The following PCYT1B variants were observed in gnomAD, a reference collection of about 807,000 sequenced individuals.
The protein encoded by PCYT1B is phosphate cytidylyltransferase 1B, choline.
Under a neutral mutation model 26.4 loss-of-function variants are expected in PCYT1B, and 10 were observed. That is an observed-to-expected ratio of 0.38 (90% confidence interval 0.23 to 0.64). PCYT1B has a LOEUF of 0.64. Ranked by LOEUF, PCYT1B falls within the 30% of genes least tolerant of loss-of-function variation. The pLI is 0.56. For synonymous variants in PCYT1B, 131 were observed against 108.4 expected (o/e 1.21, Z -1.29); for missense variants, 161 against 292.7 (o/e 0.55, Z 3.28).
At chrX:24,670,092 GAA>G (rs1927215662) in intron 1 of PCYT1B, among the ~76,000 whole-genome samples, 2 of 90,255 alleles carry the variant, frequency 2.2e-5, no homozygotes, top group African/African-American at 8.1e-5. Flanking sequence ...AAGAAAGAAA[GAA>G]AGAAAGAAAG....
chrX:24,639,660 T>C (rs1219216729), intron 1 of PCYT1B, among the ~76,000 whole-genome samples: 8 of 112,074 alleles, frequency 7.1e-5, no homozygotes, highest in Non-Finnish European at 1.1e-4. Context: ...TAAGCCACCA[T>C]GATTTTGCTT....
chrX:24,568,968 C>G (rs1306096282), intron 7 of PCYT1B, among the ~76,000 whole-genome samples: 1 of 110,066 alleles, frequency 9.1e-6, no homozygotes, highest in African/African-American at 3.3e-5. Flanking sequence ...GGCATGGTGG[C>G]ATATGCCTGT....
At chrX:24,670,015 C>T (rs1340678868) in intron 1 of PCYT1B, among the ~76,000 whole-genome samples, 1 of 100,796 alleles carries the variant, frequency 9.9e-6, no homozygotes, top group Admixed American at 1.2e-4. Context: ...TGCACTCGAG[C>T]CTGGGCAACA....
intron 1 of PCYT1B, 139 bp from the exon 2 acceptor site, chrX:24,619,223 G>C: frequency 2.1e-6 from 1 of 482,381 alleles, no homozygotes; most frequent in Non-Finnish European, 3.8e-6. Context: ...GAGAAATACT[G>C]TACTGTTAGA....
chrX:24,650,317 C>CTTTT (rs575150338), upstream of PCYT1B, among the ~76,000 whole-genome samples: 1 of 75,718 alleles, frequency 1.3e-5, no homozygotes, highest in Non-Finnish European at 2.5e-5. Flanking sequence ...TATTATGTAG[C>CTTTT]TTTTTTTTTT....
rs940173061 is a variant in PCYT1B at position 24,561,225 on chromosome X, G to C, written c.*1068C>G. The C allele has an allele frequency of 7.1e-5, 8 of 112,349 alleles. No homozygotes were observed. Among genetic ancestry groups the C allele is most frequent in the African/African-American group, 2.6e-4 (8 of 30,744 alleles). The allele number at this position is 112,349 out of a possible 1,213,427, so 9.3% of individuals were successfully genotyped here. A position where few individuals can be genotyped will look rare whatever the true frequency, so the allele number is the denominator to read the frequency against. ...AGGATTTCAGAGGAGTATTATGGTG[G>C]AGCGCAGGAGTGGGGTCTATTATAA... On this transcript the variant is annotated 3_prime_UTR_variant, in exon 8 of 8. Transcript: ENST00000379144.
At chrX:24,576,631 T>C (rs909866546) in intron 6 of PCYT1B, among the ~76,000 whole-genome samples, 2 of 111,801 alleles carry the variant, frequency 1.8e-5, no homozygotes, top group African/African-American at 3.3e-5. Flanking sequence ...TTGAAACACC[T>C]GGAATATTGC....
At chrX:24,577,700 G>A (rs973086002) in intron 6 of PCYT1B, among the ~76,000 whole-genome samples, 29 of 112,153 alleles carry the variant, frequency 2.6e-4, no homozygotes, top group African/African-American at 8.7e-4. Flanking sequence ...AATTGTGTGA[G>A]CTATTGGATA....
At chrX:24,592,101 T>C (rs1924586220) in intron 3 of PCYT1B, among the ~76,000 whole-genome samples, 1 of 111,668 alleles carries the variant, frequency 9.0e-6, no homozygotes, top group Admixed American at 9.6e-5. Flanking sequence ...TCTGTTTCCA[T>C]GAGATCAGCT....
chrX:24,632,068 C>T (rs1413704141), intron 1 of PCYT1B, among the ~76,000 whole-genome samples: 1 of 112,228 alleles, frequency 8.9e-6, no homozygotes, highest in Non-Finnish European at 1.9e-5. Context: ...CACCCATTAC[C>T]CTGAACTGGA....
intron 3 of PCYT1B, among the ~76,000 whole-genome samples, chrX:24,598,142 T>C (rs1169990927): frequency 8.9e-6 from 1 of 112,089 alleles, no homozygotes; most frequent in African/African-American, 3.2e-5. Context: ...AATAGACACA[T>C]GGGTAAAACA....
intron 1 of PCYT1B, among the ~76,000 whole-genome samples, chrX:24,631,330 A>C (rs749089723): frequency 9.0e-6 from 1 of 111,557 alleles, no homozygotes; most frequent in South Asian, 3.8e-4. Flanking sequence ...GGCCAAACGA[A>C]CGTGCACCCT....
At chrX:24,584,573 C>T (rs937785126) in intron 5 of PCYT1B, among the ~76,000 whole-genome samples, 1 of 112,286 alleles carries the variant, frequency 8.9e-6, no homozygotes, top group Admixed American at 9.4e-5. Context: ...GAGGATGGTA[C>T]AGTCCCCACC....
chrX:24,644,571 C>T (rs1030411993), intron 1 of PCYT1B, among the ~76,000 whole-genome samples: 2 of 110,603 alleles, frequency 1.8e-5, no homozygotes, highest in Non-Finnish European at 3.8e-5. Context: ...TCCACTTTTC[C>T]GGTGTAGAGC....
At position 24,624,115 on chromosome X, in the gene PCYT1B, G is replaced by A. The variant is rs755167141; in HGVS notation, c.118-5031C>T. On this transcript the variant is annotated intron_variant, in intron 1 of 7. Transcript: ENST00000379144. ...CTCCCAAGTAGCTGGGACTACAGGA[G>A]CCCGCCACCACACCCGGCTAATTTT... is the stretch of plus-strand genomic sequence containing the variant. Among the ~76,000 whole-genome samples the A allele has an allele frequency of 1.3e-4, 14 of 109,589 alleles. No homozygotes were observed. The East Asian group carries it at 2.3e-3, about 18-fold the overall frequency.
upstream of PCYT1B, among the ~76,000 whole-genome samples, chrX:24,649,592 T>C (rs972944436): frequency 8.9e-5 from 10 of 112,275 alleles, no homozygotes; most frequent in Non-Finnish European, 1.9e-4. Flanking sequence ...CTCTCCAGAA[T>C]GAGAGGTTCA....
intron 2 of PCYT1B, among the ~76,000 whole-genome samples, chrX:24,613,950 C>CAAAAAAAAAAAAAAAAAAAAAAAAAA (rs200062439): frequency 1.3e-5 from 1 of 77,213 alleles, no homozygotes; most frequent in Non-Finnish European, 2.6e-5. Flanking sequence ...AACAACCTGT[C>CAAAAAAAAAAAAAAAAAAAAAAAAAA]AAAAAAAAAA....
At chrX:24,570,101 C>T (rs749253861) in intron 7 of PCYT1B, among the ~76,000 whole-genome samples, 1 of 99,876 alleles carries the variant, frequency 1.0e-5, no homozygotes. Flanking sequence ...ACAGGAGAAT[C>T]GGTTGAACCT....
intron 3 of PCYT1B, among the ~76,000 whole-genome samples, chrX:24,605,701 G>A (rs1925105181): frequency 9.0e-6 from 1 of 111,506 alleles, no homozygotes; most frequent in African/African-American, 3.3e-5. Context: ...GAGGTGGGTG[G>A]ATCACCTGAG....
Sources: allele counts gnomAD v4.1 joint callset (sites outside exome capture counted in the v4.1 genomes callset), GRCh38; gene constraint gnomAD v4.1.1; transcripts MANE v1.5; gene names NCBI Gene and HGNC (gene_info 2026-07-23, HGNC 2026-07-21).